OPCML: variants seen among roughly 807,000 people sequenced by gnomAD.
OPCML encodes the protein opioid-binding protein/cell adhesion molecule.
A neutral mutation model predicts 37.8 loss-of-function variants in OPCML; 13 were observed. The ratio of observed to expected loss-of-function variants is 0.34; its 90% CI spans 0.22 to 0.55. The LOEUF is 0.55. Among genes scored for constraint, OPCML ranks in the 20% least tolerant of loss-of-function variants. The pLI is 0.91. For synonymous variants in OPCML, 176 were observed against 168.8 expected (o/e 1.04, Z -0.33); for missense variants, 341 against 435.6 (o/e 0.78, Z 1.93).
At chr11:132,732,535 T>C (rs188403343) in intron 2 of OPCML, among the ~76,000 whole-genome samples, 3 of 152,232 alleles carry the variant, frequency 2.0e-5, no homozygotes. Context: ...ATAACAGTCA[T>C]CATCATGAAA....
chr11:132,723,389 G>T (rs1412693522), intron 2 of OPCML, among the ~76,000 whole-genome samples: 1 of 152,116 alleles, frequency 6.6e-6, no homozygotes, highest in East Asian at 1.9e-4. Context: ...GTGATATCTG[G>T]GCTCTGCTAT....
At chr11:133,140,186 C>CAATAATAATAATGAT (rs1555101954) in intron 1 of OPCML, among the ~76,000 whole-genome samples, 4 of 124,802 alleles carry the variant, frequency 3.2e-5, no homozygotes, top group African/African-American at 6.2e-5. Context: ...GACTCCGTCT[C>CAATAATAATAATGAT]AATAATAATA....
chr11:133,448,586 T>C (rs767551021), intron 1 of OPCML, among the ~76,000 whole-genome samples: 4 of 152,146 alleles, frequency 2.6e-5, no homozygotes, highest in Admixed American at 6.6e-5. Context: ...GTCTCCTGAG[T>C]AGCTGGGGTT....
chr11:132,931,052 C>T (rs1196671092), intron 2 of OPCML, among the ~76,000 whole-genome samples: 1 of 151,784 alleles, frequency 6.6e-6, no homozygotes, highest in Non-Finnish European at 1.5e-5. Context: ...ATACCAAGAC[C>T]ATTCAGTGGG....
intron 2 of OPCML, among the ~76,000 whole-genome samples, chr11:132,690,215 C>G (rs553233168): frequency 2.4e-4 from 36 of 152,164 alleles, no homozygotes; most frequent in Non-Finnish European, 4.0e-4. Context: ...GCTGGGGTTA[C>G]AGGAGCCCAT....
intron 1 of OPCML, among the ~76,000 whole-genome samples, chr11:133,276,251 TA>T (rs1941990514): frequency 6.6e-6 from 1 of 152,208 alleles, no homozygotes; most frequent in Non-Finnish European, 1.5e-5. Flanking sequence ...TAAGCATATT[TA>T]CAGGTAGAAG....
At chr11:133,380,221 T>A (rs1384513704) in intron 1 of OPCML, among the ~76,000 whole-genome samples, 1 of 152,156 alleles carries the variant, frequency 6.6e-6, no homozygotes, top group Non-Finnish European at 1.5e-5. Flanking sequence ...ATAAAGGGTA[T>A]CTGGAAGGGT....
At chr11:133,026,321 A>C in intron 1 of OPCML, 1 of 941,424 alleles carries the variant, frequency 1.1e-6, no homozygotes, top group Non-Finnish European at 1.3e-6. Flanking sequence ...AGCTGTCAAC[A>C]TTTGATAGTT....
intron 1 of OPCML, among the ~76,000 whole-genome samples, chr11:133,398,921 T>G (rs1945343500): frequency 6.6e-6 from 1 of 152,182 alleles, no homozygotes; most frequent in Non-Finnish European, 1.5e-5. Context: ...CCAAAGAACA[T>G]AGATTTACAT....
chr11:132,917,013 A>G (rs1944629593), intron 2 of OPCML, among the ~76,000 whole-genome samples: 1 of 152,222 alleles, frequency 6.6e-6, no homozygotes, highest in Non-Finnish European at 1.5e-5. Context: ...TGGTCCCTGG[A>G]GATGAGTCCC....
At chr11:132,955,961 A>T (rs892048932) in intron 1 of OPCML, among the ~76,000 whole-genome samples, 3 of 152,204 alleles carry the variant, frequency 2.0e-5, no homozygotes, top group Non-Finnish European at 1.5e-5. Context: ...ACCCAGAATA[A>T]TTCCTGGCAT....
At chr11:132,767,084 G>T (rs1409522745) in intron 2 of OPCML, among the ~76,000 whole-genome samples, 1 of 152,144 alleles carries the variant, frequency 6.6e-6, no homozygotes, top group African/African-American at 2.4e-5. Flanking sequence ...TAAAACAAAT[G>T]TGATGAAATA....
rs147001346 is a variant in OPCML, at chr11:132,447,831, T to G, written c.506-10472A>C. ...ACCAAATAGGGTGTGGCCGCTCCAA[T>G]GTAGGACTCTGCTGGACTGATGGTC... On this transcript the variant is annotated intron_variant, in intron 4 of 7. Coordinates refer to ENST00000524381, the MANE Select transcript of OPCML (RefSeq NM_001012393.5). Among the ~76,000 whole-genome samples, 6 of 152,360 alleles carry G rather than the reference T, an allele frequency of 3.9e-5. No individual in the cohort carries two copies. The East Asian group carries it at 9.7e-4, about 25-fold the overall frequency.
chr11:132,598,287 A>G (rs2096495662), intron 3 of OPCML, among the ~76,000 whole-genome samples: 1 of 152,074 alleles, frequency 6.6e-6, no homozygotes, highest in African/African-American at 2.4e-5. Flanking sequence ...TTCACCTACT[A>G]GGCTATTCAC....
chr11:132,857,129 A>T (rs1159206026), intron 2 of OPCML, among the ~76,000 whole-genome samples: 2 of 152,128 alleles, frequency 1.3e-5, no homozygotes, highest in African/African-American at 4.8e-5. Flanking sequence ...CAATTTCCCC[A>T]TATCCTTCTC....
chr11:132,542,808 C>T (rs1345219582), intron 3 of OPCML, among the ~76,000 whole-genome samples: 1 of 152,174 alleles, frequency 6.6e-6, no homozygotes, highest in African/African-American at 2.4e-5. Context: ...GGTACACTTC[C>T]CAGTAAATTT....
At chr11:132,491,413 G>T (rs924599125) in intron 4 of OPCML, among the ~76,000 whole-genome samples, 3 of 152,180 alleles carry the variant, frequency 2.0e-5, no homozygotes, top group Admixed American at 2.0e-4. Flanking sequence ...GCTCTTTCCC[G>T]AGAGTGCTCC....
chr11:133,216,248 A>G (rs535303174), intron 1 of OPCML, among the ~76,000 whole-genome samples: 1 of 152,154 alleles, frequency 6.6e-6, no homozygotes, highest in Non-Finnish European at 1.5e-5. Flanking sequence ...TGGAGTTGAC[A>G]TTTACCTCCC....
chr11:133,113,752 A>G (rs1949291521), intron 1 of OPCML, among the ~76,000 whole-genome samples: 1 of 152,186 alleles, frequency 6.6e-6, no homozygotes, highest in Non-Finnish European at 1.5e-5. Context: ...TTCCCACCGC[A>G]GGTAAGAAAG....
Sources: gnomAD v4.1 joint callset for allele counts (sites outside exome capture counted in the v4.1 genomes callset) on GRCh38, gnomAD v4.1.1 for gene constraint, MANE v1.5 for transcripts, NCBI Gene and HGNC (gene_info 2026-07-23, HGNC 2026-07-21) for gene names.